XIRP2: variants seen among roughly 807,000 people sequenced by gnomAD.
XIRP2 encodes xin actin-binding repeat-containing protein 2.
Under a neutral mutation model 277.0 loss-of-function variants are expected in XIRP2, and 236 were observed. The ratio of observed to expected loss-of-function variants is 0.85; its 90% CI spans 0.77 to 0.95. The LOEUF (loss-of-function observed/expected upper bound fraction) is 0.95, where lower values mean the gene tolerates loss of function less well. XIRP2 is among the 40% of genes least tolerant of loss of function. The probability of loss-of-function intolerance (pLI) is 0.00; values close to 1 mark genes in which losing one functional copy is unlikely to be tolerated. For missense variants in XIRP2, 4,640 were observed against 4,157.5 expected (o/e 1.12, Z -3.19); for synonymous variants, 1,490 against 1,416.5 (o/e 1.05, Z -1.17).
chr2:166,932,288 C>T (rs1685363816), intron 2 of XIRP2, among the ~76,000 whole-genome samples: 1 of 151,712 alleles, frequency 6.6e-6, no homozygotes, highest in African/African-American at 2.4e-5. Context: ...TCAATCACAG[C>T]TCACTGCAGT....
intron 3 of XIRP2, among the ~76,000 whole-genome samples, chr2:167,185,213 T>C (rs1693121875): frequency 6.6e-6 from 1 of 152,094 alleles, no homozygotes; most frequent in Admixed American, 6.6e-5. Context: ...TGAACTTAGG[T>C]CAGTTAATTT....
chr2:167,092,370 T>C (rs1690172352), intron 2 of XIRP2, among the ~76,000 whole-genome samples: 1 of 152,106 alleles, frequency 6.6e-6, no homozygotes, highest in Non-Finnish European at 1.5e-5. Flanking sequence ...AGGAAGAAAG[T>C]CTTTACCAAT....
chr2:167,214,181 AAGG>A (rs2105394486), intron 4 of XIRP2, among the ~76,000 whole-genome samples: 1 of 107,496 alleles, frequency 9.3e-6, no homozygotes, highest in East Asian at 2.8e-4. Context: ...AGAAGGAAGG[AAGG>A]AAGGAAAGAG....
intron 3 of XIRP2, among the ~76,000 whole-genome samples, chr2:167,155,960 AAC>A (rs1473856436): frequency 2.0e-5 from 3 of 150,168 alleles, no homozygotes; most frequent in Non-Finnish European, 4.4e-5. Flanking sequence ...ATAACAGACA[AAC>A]AGAGAGCCAA....
intron 3 of XIRP2, among the ~76,000 whole-genome samples, chr2:167,208,965 TAAAG>T (rs987861420): frequency 6.6e-6 from 1 of 152,142 alleles, no homozygotes; most frequent in African/African-American, 2.4e-5. Flanking sequence ...CAGGGAAAAA[TAAAG>T]AGCTTTTCCT....
rs547375387 is a variant in XIRP2 at position 167,216,245 on chromosome 2, C to T, written c.724-1921C>T. Reference sequence around the variant, plus strand: ...GGGCAAGGACTTCATGTCCAAAACACCAAAAGCAATGGCAACAAAAGCCAA... The same window carrying T: ...GGGCAAGGACTTCATGTCCAAAACATCAAAAGCAATGGCAACAAAAGCCAA... On this transcript the variant is annotated intron_variant, in intron 4 of 10. Transcript: ENST00000409195. Among the ~76,000 whole-genome samples the T allele has an allele frequency of 2.7e-3, 109 of 41,048 alleles. 5 individuals are homozygous for T. In the East Asian group the frequency reaches 0.05, roughly 19 times the overall value. 26.9% of individuals were successfully genotyped at this position (41,048 alleles called of 152,430 possible). A position where few individuals can be genotyped will look rare whatever the true frequency, so the allele number is the denominator to read the frequency against.
chr2:167,017,694 T>C (rs16852862), intron 2 of XIRP2, among the ~76,000 whole-genome samples: 15,815 of 151,898 alleles, frequency 0.1, 1,342 homozygotes, highest in East Asian at 0.38. Context: ...AGAAGTCTTA[T>C]TGGGGATAAA....
intron 2 of XIRP2, among the ~76,000 whole-genome samples, chr2:167,025,429 A>G (rs1322043274): frequency 6.6e-6 from 1 of 151,818 alleles, no homozygotes; most frequent in African/African-American, 2.4e-5. Flanking sequence ...TAATTTTTTG[A>G]AGGGTTTTTT....
At chr2:166,901,531 T>A (rs1684387379) in intron 1 of XIRP2, among the ~76,000 whole-genome samples, 1 of 152,114 alleles carries the variant, frequency 6.6e-6, no homozygotes. Flanking sequence ...CCAGTTTTTC[T>A]GCCTCTCAGC....
chr2:167,179,599 C>A (rs1367508923), intron 3 of XIRP2, among the ~76,000 whole-genome samples: 1 of 151,504 alleles, frequency 6.6e-6, no homozygotes, highest in Non-Finnish European at 1.5e-5. Context: ...GGATTACAGG[C>A]GTGAGCCACC....
chr2:167,056,831 C>G (rs868687248), intron 2 of XIRP2, among the ~76,000 whole-genome samples: 11 of 152,078 alleles, frequency 7.2e-5, no homozygotes, highest in Middle Eastern at 3.2e-3. Flanking sequence ...TATCTTCCCT[C>G]CATATTATAT....
chr2:166,918,025 A>G (rs775714439), intron 2 of XIRP2, among the ~76,000 whole-genome samples: 1 of 152,074 alleles, frequency 6.6e-6, no homozygotes, highest in Non-Finnish European at 1.5e-5. Flanking sequence ...ATGTTTTTTC[A>G]TGGTTACAGA....
At chr2:167,107,532 G>C (rs1351241158) in intron 2 of XIRP2, among the ~76,000 whole-genome samples, 2 of 151,328 alleles carry the variant, frequency 1.3e-5, no homozygotes, top group East Asian at 3.9e-4. Flanking sequence ...AACCAGCCTT[G>C]CTTCTCTATA....
intron 2 of XIRP2, among the ~76,000 whole-genome samples, chr2:167,024,519 C>A (rs1688092329): frequency 6.6e-6 from 1 of 152,080 alleles, no homozygotes; most frequent in Non-Finnish European, 1.5e-5. Context: ...AGAGGGCATC[C>A]CTGTCTTGTG....
At chr2:167,200,589 CA>C (rs1293275379) in intron 3 of XIRP2, among the ~76,000 whole-genome samples, 1 of 152,192 alleles carries the variant, frequency 6.6e-6, no homozygotes, top group Non-Finnish European at 1.5e-5. Flanking sequence ...GATAAACGAA[CA>C]CTTTACATGT....
chr2:167,026,446 C>A (rs1380245565), intron 2 of XIRP2, among the ~76,000 whole-genome samples: 1 of 152,046 alleles, frequency 6.6e-6, no homozygotes, highest in Non-Finnish European at 1.5e-5. Flanking sequence ...GAGCATTTAT[C>A]CCATTGATAT....
chr2:167,082,032 G>C (rs1367243356), intron 2 of XIRP2, among the ~76,000 whole-genome samples: 3 of 151,456 alleles, frequency 2.0e-5, no homozygotes, highest in African/African-American at 7.3e-5. Flanking sequence ...TGCCATGCTG[G>C]TGCGCTGCAC....
chr2:167,093,831 C>A (rs1690219119), intron 2 of XIRP2, among the ~76,000 whole-genome samples: 1 of 152,066 alleles, frequency 6.6e-6, no homozygotes. Flanking sequence ...GGTATATACC[C>A]AGTAATGGGA....
intron 2 of XIRP2, among the ~76,000 whole-genome samples, chr2:166,938,010 G>A (rs1177976745): frequency 1.3e-5 from 2 of 151,980 alleles, no homozygotes; most frequent in Admixed American, 6.6e-5. Context: ...GCTTGCTAGT[G>A]GTCTATCAAT....
Sources: allele counts gnomAD v4.1 joint callset (sites outside exome capture counted in the v4.1 genomes callset), GRCh38; gene constraint gnomAD v4.1.1; transcripts MANE v1.5; gene names NCBI Gene and HGNC (gene_info 2026-07-23, HGNC 2026-07-21).